PLA2G4A: variants seen among roughly 807,000 people sequenced by gnomAD.
The protein encoded by PLA2G4A is cytosolic phospholipase A2.
In PLA2G4A, 40 loss-of-function variants were observed where a neutral mutation model predicts 81.9. The observed-to-expected ratio is 0.49, with a 90% CI of 0.38 to 0.64. The LOEUF is 0.64. Among genes scored for constraint, PLA2G4A ranks in the 30% least tolerant of loss-of-function variants. The pLI, the probability that PLA2G4A is intolerant of heterozygous loss-of-function variation, is 0.00. For missense variants in PLA2G4A, 715 were observed against 905.1 expected, an observed-to-expected ratio of 0.79 and a Z score of 2.69; for synonymous variants, 302 against 296.9, an observed-to-expected ratio of 1.02 and a Z score of -0.18.
In PLA2G4A at chr1:186,977,499, C is replaced by T. The variant is rs12720686; in HGVS notation, c.1765-94C>T. 4,797 of 783,968 alleles carry T rather than the reference C, an allele frequency of 6.1e-3. 141 individuals are homozygous for T. In the African/African-American group the frequency reaches 0.066, roughly 11 times the overall value. 48.6% of individuals were successfully genotyped at this position (783,968 alleles called of 1,614,324 possible). A position where few individuals can be genotyped will look rare whatever the true frequency, so the allele number is the denominator to read the frequency against. ...TAGCAAGGAGTACATTGCTGGCACA[C>T]AGTAGACACCTAGTGAACACTGAAT... On this transcript the variant is annotated intron_variant, in intron 15 of 17. Coordinates refer to ENST00000367466, the MANE Select transcript of PLA2G4A (RefSeq NM_024420.3).
At chr1:186,966,375 A>G (rs1657132061) in intron 15 of PLA2G4A, among the ~76,000 whole-genome samples, 1 of 152,154 alleles carries the variant, frequency 6.6e-6, no homozygotes, top group Non-Finnish European at 1.5e-5. Context: ...GAAGTGGGAA[A>G]GGAATCAAGG....
At chr1:186,840,778 G>A (rs935526370) in intron 1 of PLA2G4A, among the ~76,000 whole-genome samples, 1 of 152,104 alleles carries the variant, frequency 6.6e-6, no homozygotes, top group African/African-American at 2.4e-5. Context: ...GTTTACCTTA[G>A]AAAAAAGATA....
intron 14 of PLA2G4A, among the ~76,000 whole-genome samples, chr1:186,964,139 C>T (rs927303006): frequency 2.0e-5 from 3 of 152,188 alleles, no homozygotes; most frequent in Non-Finnish European, 2.9e-5. Flanking sequence ...GTGTGACCAT[C>T]TTCACTTTAT....
At chr1:186,962,036 T>C (rs1656963808) in intron 14 of PLA2G4A, among the ~76,000 whole-genome samples, 2 of 152,226 alleles carry the variant, frequency 1.3e-5, no homozygotes, top group African/African-American at 4.8e-5. Flanking sequence ...CTGCATATGC[T>C]ACCTGCCCGT....
intron 8 of PLA2G4A, among the ~76,000 whole-genome samples, chr1:186,934,290 C>T (rs543516961): frequency 4.7e-4 from 71 of 151,852 alleles, no homozygotes; most frequent in African/African-American, 1.7e-3. Context: ...GACTAGACTT[C>T]GAGTGCTGAT....
chr1:186,892,715 G>T (rs1372849245), intron 3 of PLA2G4A, among the ~76,000 whole-genome samples: 1 of 152,162 alleles, frequency 6.6e-6, no homozygotes, highest in Non-Finnish European at 1.5e-5. Flanking sequence ...TCCTGTAGTA[G>T]CTTGACTGAG....
Position 186,915,349 on chromosome 1 carries a change from T to G in PLA2G4A, c.558+3960T>G, listed in dbSNP as rs182020307. 1.6e-4 allele frequency among the ~76,000 whole-genome samples: 25 copies of G among 152,234 alleles called. No homozygotes were observed. In the East Asian group the frequency reaches 4.4e-3, roughly 27 times the overall value. ...CCAGAATAGTCAAGGCTCTGCCGGT[T>G]TTATTAGTGATTATTTCTAAGACAG... On this transcript the variant is annotated intron_variant, in intron 7 of 17. Transcript: ENST00000367466.
intron 7 of PLA2G4A, among the ~76,000 whole-genome samples, chr1:186,918,600 G>A (rs760852100): frequency 8.5e-5 from 13 of 152,264 alleles, no homozygotes; most frequent in Middle Eastern, 3.4e-3. Flanking sequence ...AGCTGCTCCC[G>A]TCCATGTATA....
intron 2 of PLA2G4A, among the ~76,000 whole-genome samples, chr1:186,868,075 T>TTA (rs1207000064): frequency 2.5e-5 from 2 of 80,178 alleles, no homozygotes; most frequent in African/African-American, 6.9e-5. Flanking sequence ...ATAATTCTTT[T>TTA]TTTTTTTTTT....
chr1:186,976,132 G>A (rs371091578), intron 15 of PLA2G4A, among the ~76,000 whole-genome samples: 70 of 151,942 alleles, frequency 4.6e-4, no homozygotes, highest in East Asian at 1.5e-3. Context: ...GCTATCTCTC[G>A]CCCAACAGGC....
At position 186,897,655 on chromosome 1, in the gene PLA2G4A, C is replaced by T. The variant is rs1029544428; in HGVS notation, c.378+3444C>T. 1.2e-4 allele frequency among the ~76,000 whole-genome samples: 18 copies of T among 152,104 alleles called. No individual in the cohort carries two copies. In the East Asian group the frequency reaches 1.5e-3, roughly 13 times the overall value. On this transcript the variant is annotated intron_variant, in intron 5 of 17. Coordinates refer to ENST00000367466, the MANE Select transcript of PLA2G4A (RefSeq NM_024420.3). ...TCCCAAGTAGCTGAGATTACAGGCA[C>T]GTGCCATCATGCCTGGCCAATTTTT... is the stretch of plus-strand genomic sequence containing the variant.
intron 1 of PLA2G4A, among the ~76,000 whole-genome samples, chr1:186,849,265 A>G (rs1652292501): frequency 6.6e-6 from 1 of 152,066 alleles, no homozygotes; most frequent in Non-Finnish European, 1.5e-5. Flanking sequence ...GGATGTCTCT[A>G]TTAATAAGAT....
intron 2 of PLA2G4A, among the ~76,000 whole-genome samples, chr1:186,855,382 T>C (rs900341056): frequency 1.3e-5 from 2 of 152,020 alleles, no homozygotes; most frequent in Admixed American, 6.6e-5. Context: ...TTATGCAAGC[T>C]CTTCTTTCTG....
At chr1:186,836,559 G>T (rs1455047108) in intron 1 of PLA2G4A, among the ~76,000 whole-genome samples, 1 of 152,056 alleles carries the variant, frequency 6.6e-6, no homozygotes, top group Non-Finnish European at 1.5e-5. Context: ...CTTAGAAAAA[G>T]AACAGGTATT....
intron 7 of PLA2G4A, among the ~76,000 whole-genome samples, chr1:186,914,887 T>G (rs1655085525): frequency 6.6e-6 from 1 of 152,208 alleles, no homozygotes; most frequent in Non-Finnish European, 1.5e-5. Context: ...CACTTTCATT[T>G]TTACTACCCA....
At chr1:186,917,857 C>T (rs1655195687) in intron 7 of PLA2G4A, among the ~76,000 whole-genome samples, 1 of 152,232 alleles carries the variant, frequency 6.6e-6, no homozygotes, top group Admixed American at 6.5e-5. Flanking sequence ...AACAGTGGGG[C>T]TTTGCCTCGC....
intron 2 of PLA2G4A, among the ~76,000 whole-genome samples, chr1:186,863,761 A>ATT (rs35282734): frequency 1.3e-5 from 1 of 78,174 alleles, no homozygotes; most frequent in African/African-American, 4.5e-5. Flanking sequence ...CAAATATATA[A>ATT]TTTTTTTTTT....
intron 1 of PLA2G4A, 46 bp from the exon 2 acceptor site, chr1:186,854,240 C>G (rs1205288833): frequency 4.1e-6 from 3 of 723,498 alleles, no homozygotes; most frequent in Non-Finnish European, 7.5e-6. Context: ...AATCTTAGAA[C>G]TGCATCCAAG....
intron 15 of PLA2G4A, among the ~76,000 whole-genome samples, chr1:186,976,969 A>C (rs1005181049): frequency 1.3e-5 from 2 of 152,188 alleles, no homozygotes; most frequent in African/African-American, 4.8e-5. Flanking sequence ...AATACATGGA[A>C]ACCATCATAC....
Sources: gnomAD v4.1 joint callset for allele counts (sites outside exome capture counted in the v4.1 genomes callset) on GRCh38, gnomAD v4.1.1 for gene constraint, MANE v1.5 for transcripts, NCBI Gene and HGNC (gene_info 2026-07-23, HGNC 2026-07-21) for gene names.